Variants in BRWD1 observed in about 807,000 individuals in gnomAD.
The protein encoded by BRWD1 is bromodomain and WD repeat domain containing 1.
BRWD1 carries 82 observed loss-of-function variants against 251.2 expected under a neutral mutation model. The ratio of observed to expected loss-of-function variants is 0.33; its 90% CI spans 0.27 to 0.39. The LOEUF is 0.39. BRWD1 is among the 10% of genes least tolerant of loss of function. BRWD1 has a pLI of 1.00. For missense variants in BRWD1, 2,233 were observed against 2,711.6 expected, an observed-to-expected ratio of 0.82 and a Z score of 3.92; for synonymous variants, 918 against 902.8, an observed-to-expected ratio of 1.02 and a Z score of -0.30.
chr21:39,276,059 C>A (rs2035270969), intron 12 of BRWD1, 114 bp downstream of exon 12: 3 of 844,616 alleles, frequency 3.6e-6, no homozygotes, highest in Admixed American at 3.8e-5. Context: ...AATAAATAAT[C>A]ATAATAATAT....
intron 21 of BRWD1, among the ~76,000 whole-genome samples, chr21:39,240,027 C>A (rs1001340771): frequency 2.0e-5 from 3 of 151,890 alleles, no homozygotes; most frequent in Non-Finnish European, 4.4e-5. Context: ...TATGGTATAT[C>A]CAGACAATGA....
At chr21:39,280,110 TA>T in intron 9 of BRWD1, 37 bp downstream of exon 9, 3 of 1,437,736 alleles carry the variant, frequency 2.1e-6, no homozygotes, top group Non-Finnish European at 2.9e-6. Context: ...GTAACTACAT[TA>T]AAAAACAAAA....
In BRWD1 at chr21:39,313,098, G is replaced by C. The variant is rs755636641; in HGVS notation, c.112C>G (p.Leu38Val). The change falls in exon 3 of 41, where the codon CTG (leucine) becomes GTG (valine). Residue 38 changes from leucine (L) to valine (V), a missense_variant. Around this residue, in one of 12 missense-constraint regions of BRWD1, gnomAD observed 101 missense variants for 95.6 expected, o/e 1.06. Coordinates refer to ENST00000342449, the MANE Select transcript of BRWD1 (RefSeq NM_033656.4). ...AGPCRRAAQVLVQELEQYQLL... is the reference protein window; with the variant it reads ...AGPCRRAAQVVVQELEQYQLL... ...TGGTACTGCTCCAGCTCCTGCACCA[G>C]CACCTGCGGCCGAGAGACGCGCGGT... The C allele has an allele frequency of 1.3e-6, 2 of 1,495,194 alleles. No individual in the cohort carries two copies. The highest frequency in any genetic ancestry group is 2.5e-5 in the South Asian group (2 of 78,676). 92.6% of individuals were successfully genotyped at this position (1,495,194 alleles called of 1,614,324 possible). A position where few individuals can be genotyped will look rare whatever the true frequency, so the allele number is the denominator to read the frequency against.
chr21:39,296,053 T>A, intron 6 of BRWD1, 150 bp from the exon 7 acceptor site: 3 of 678,026 alleles, frequency 4.4e-6, no homozygotes, highest in Non-Finnish European at 6.7e-6. Context: ...TTCTTCTGTA[T>A]TCAGTAACAT....
intron 20 of BRWD1, among the ~76,000 whole-genome samples, chr21:39,250,587 G>T (rs1198350355): frequency 2.6e-5 from 4 of 151,590 alleles, no homozygotes. Flanking sequence ...ACCATTGTTA[G>T]GCACTAGGCA....
At chr21:39,247,076 C>CAA (rs542391369) in intron 21 of BRWD1, among the ~76,000 whole-genome samples, 19 of 101,938 alleles carry the variant, frequency 1.9e-4, no homozygotes, top group South Asian at 1.0e-3. Flanking sequence ...GACTCCGTCT[C>CAA]AAAAAAAAAA....
chr21:39,312,621 TCCGCCCCGCG>T (rs1194585938), intron 4 of BRWD1: 9 of 378,768 alleles, frequency 2.4e-5, no homozygotes, highest in Non-Finnish European at 4.4e-5. Context: ...CCCCCACCGC[TCCGCCCCGCG>T]CCGCCCCCAA....
At chr21:39,281,760 C>A (rs141689278) in intron 8 of BRWD1, among the ~76,000 whole-genome samples, 1 of 152,034 alleles carries the variant, frequency 6.6e-6, no homozygotes, top group Non-Finnish European at 1.5e-5. Context: ...CCCAGCTACT[C>A]AGGAGGCTGA....
intron 36 of BRWD1, among the ~76,000 whole-genome samples, chr21:39,207,483 C>CACACACACACAA (rs1439646306): frequency 1.3e-5 from 2 of 148,300 alleles, no homozygotes; most frequent in African/African-American, 5.0e-5. Context: ...CACACACACA[C>CACACACACACAA]AAACAAAACT....
chr21:39,320,977 C>T (rs2036740801), intron 1 of BRWD1: 2 of 151,708 alleles, frequency 1.3e-5, no homozygotes, highest in South Asian at 4.2e-4. Flanking sequence ...AGAGTCATAA[C>T]TTTTATATCA....
At position 39,196,885 on chromosome 21, in the gene BRWD1, C is replaced by G. The variant is rs1224650186; in HGVS notation, c.6184G>C (p.Gly2062Arg). ...SGEDSKSHIPGSETDRTFSSE... is the reference protein window; with the variant it reads ...SGEDSKSHIPRSETDRTFSSE... Reference sequence around the variant, plus strand: ...GAAAATGTCCTATCAGTCTCACTCCCTGGAATATGACTTTTTGAATCTTCT... The same window carrying G: ...GAAAATGTCCTATCAGTCTCACTCCGTGGAATATGACTTTTTGAATCTTCT... Residue 2062 changes from glycine (G) to arginine (R), a missense_variant, in exon 41 of 41, where the codon GGG (glycine) becomes CGG (arginine). Gly to Arg is a moderately radical substitution (Grantham distance 125). Transcript: ENST00000342449. 1.2e-6 allele frequency: 2 copies of G among 1,613,870 alleles called. No individual in the cohort carries two copies. Among genetic ancestry groups the G allele is most frequent in the Admixed American group, 3.3e-5 (2 of 60,014 alleles).
Position 39,289,886 on chromosome 21 carries a change from G to A in BRWD1, c.831+3925C>T, listed in dbSNP as rs147509474. 4.7e-3 allele frequency among the ~76,000 whole-genome samples: 707 copies of A among 151,972 alleles called. 7 individuals are homozygous for A. The highest frequency in any genetic ancestry group is 0.016 in the African/African-American group (668 of 41,440). On this transcript the variant is annotated intron_variant, in intron 8 of 40. Transcript: ENST00000342449. ...AAAAAATACAAAAAATTAGCCGGAC[G>A]TGGTGGCAGCCGCCTGTAGTCCCAG...
chr21:39,319,955 C>T (rs1357824053), intron 1 of BRWD1, among the ~76,000 whole-genome samples: 1 of 152,182 alleles, frequency 6.6e-6, no homozygotes, highest in African/African-American at 2.4e-5. Flanking sequence ...TGCAACTTAA[C>T]ATATTGCTTC....
In BRWD1 at chr21:39,295,901, C is replaced by A; in HGVS notation, c.451G>T (p.Glu151Ter). The change falls in exon 7 of 41, where the codon GAG (glutamate) becomes TAG (stop). Residue 151 changes from glutamate (E) to a stop codon, truncating the protein, a stop_gained and splice_region_variant. Coordinates refer to ENST00000342449, the MANE Select transcript of BRWD1 (RefSeq NM_033656.4). LOFTEE classifies it high-confidence loss of function. ...VNYGSPPNLV[E>*]IHRGKQLTGC... is the part of the protein sequence containing the mutation. ...GTGAGTTGTTTTCCTCGATGTATCT[C>A]CACTAGGAAATAAAAACAATGAAAA... The A allele has an allele frequency of 6.4e-7, 1 of 1,572,384 alleles. No homozygotes were observed. The highest frequency in any genetic ancestry group is 1.2e-5 in the South Asian group (1 of 83,974).
chr21:39,242,418 A>C (rs543803466), intron 21 of BRWD1, among the ~76,000 whole-genome samples: 2 of 152,216 alleles, frequency 1.3e-5, no homozygotes, highest in Non-Finnish European at 2.9e-5. Context: ...AAAAGATGGA[A>C]ACTTGCAGAG....
chr21:39,293,754 T>G (rs2035879410), intron 8 of BRWD1, 57 bp downstream of exon 8: 1 of 1,390,758 alleles, frequency 7.2e-7, no homozygotes, highest in Non-Finnish European at 1.0e-6. Flanking sequence ...AAGAAACTGT[T>G]TTAAAGAAAA....
chr21:39,312,707 G>A (rs2036532603), intron 4 of BRWD1, 134 bp downstream of exon 4: 1 of 480,996 alleles, frequency 2.1e-6, no homozygotes, highest in Non-Finnish European at 3.7e-6. Flanking sequence ...AGCCGGGAAC[G>A]CAGCTATCCC....
intron 31 of BRWD1, 95 bp from the exon 32 acceptor site, chr21:39,215,457 A>G (rs902468874): frequency 2.7e-6 from 3 of 1,098,586 alleles, no homozygotes; most frequent in South Asian, 1.4e-5. Flanking sequence ...CTGTGAAATA[A>G]TAATTAAACC....
chr21:39,292,122 T>TGGGGGGG (rs1336734101), intron 8 of BRWD1, among the ~76,000 whole-genome samples: 2 of 2,184 alleles, frequency 9.2e-4, no homozygotes, highest in Non-Finnish European at 1.1e-3. Flanking sequence ...TTGTGGGGGG[T>TGGGGGGG]GGGTGGGGGT....
Sources: allele counts gnomAD v4.1 joint callset (sites outside exome capture counted in the v4.1 genomes callset), GRCh38; gene constraint gnomAD v4.1.1; regional missense constraint gnomAD v4.1.1; transcripts MANE v1.5; gene names NCBI Gene and HGNC (gene_info 2026-07-23, HGNC 2026-07-21).